STOX2: variants seen among roughly 807,000 people sequenced by gnomAD.
STOX2 encodes the protein storkhead box 2, also known as storkhead-box protein 2.
Under a neutral mutation model 60.9 loss-of-function variants are expected in STOX2, and 28 were observed. The ratio of observed to expected loss-of-function variants is 0.46; its 90% CI spans 0.34 to 0.63. The LOEUF (loss-of-function observed/expected upper bound fraction) is 0.63, where lower values mean the gene tolerates loss of function less well. STOX2 is among the 30% of genes least tolerant of loss of function. The pLI, the probability that STOX2 is intolerant of heterozygous loss-of-function variation, is 0.01. For synonymous variants in STOX2, 472 were observed against 463.9 expected, an observed-to-expected ratio of 1.02 and a Z score of -0.22; for missense variants, 1,024 against 1,187.7, an observed-to-expected ratio of 0.86 and a Z score of 2.03.
At chr4:183,997,870 T>C (rs779509084) in intron 1 of STOX2, among the ~76,000 whole-genome samples, 8 of 152,216 alleles carry the variant, frequency 5.3e-5, no homozygotes, top group Non-Finnish European at 5.9e-5. Flanking sequence ...CCAAAGTAAA[T>C]GCCATTCAGA....
chr4:183,980,468 C>T (rs1019908110), intron 1 of STOX2, among the ~76,000 whole-genome samples: 6 of 152,160 alleles, frequency 3.9e-5, no homozygotes, highest in Non-Finnish European at 2.9e-5. Context: ...TCCCCGGATA[C>T]GGAGGTGTCG....
At chr4:183,814,731 C>A (rs1739111232) in intron 1 of STOX2, among the ~76,000 whole-genome samples, 1 of 152,116 alleles carries the variant, frequency 6.6e-6, no homozygotes, top group Non-Finnish European at 1.5e-5. Flanking sequence ...CAGCCTGTGG[C>A]CAGCATTTAG....
intron 1 of STOX2, among the ~76,000 whole-genome samples, chr4:183,964,774 G>T (rs1173544027): frequency 1.3e-5 from 2 of 152,096 alleles, no homozygotes; most frequent in African/African-American, 4.8e-5. Context: ...AGTAGAGATG[G>T]GGTTTCACCA....
chr4:183,892,598 A>C (rs965813165), intron 1 of STOX2, among the ~76,000 whole-genome samples: 1 of 152,192 alleles, frequency 6.6e-6, no homozygotes, highest in African/African-American at 2.4e-5. Context: ...CTCTTCTTGC[A>C]TGCACGCTGA....
chr4:183,940,251 G>A (rs1344890500), intron 1 of STOX2, among the ~76,000 whole-genome samples: 1 of 152,136 alleles, frequency 6.6e-6, no homozygotes, highest in Non-Finnish European at 1.5e-5. Context: ...CCCTGATGTT[G>A]ATTCATGGTA....
chr4:183,818,964 G>A (rs1739231088), intron 1 of STOX2, among the ~76,000 whole-genome samples: 1 of 151,972 alleles, frequency 6.6e-6, no homozygotes, highest in Non-Finnish European at 1.5e-5. Flanking sequence ...GGGGCAGAGG[G>A]GCTCCTCACA....
rs1734654067 is a variant in STOX2 at position 184,023,118 on chromosome 4, A to G, written c.*5834A>G. On this transcript the variant is annotated 3_prime_UTR_variant, in exon 4 of 4. Transcript: ENST00000308497. ...ACTGTATGTTAGAAAGGAGTTTTGCAGCCAAGACTGCCTTGAATAAAATGT... is the reference window on the plus strand; with the variant it reads ...ACTGTATGTTAGAAAGGAGTTTTGCGGCCAAGACTGCCTTGAATAAAATGT... 6.6e-6 allele frequency: 1 copy of G among 152,222 alleles called. No homozygotes were observed. The highest frequency in any genetic ancestry group is 2.1e-4 in the South Asian group (1 of 4,836). 9.4% of individuals were successfully genotyped at this position (152,222 alleles called of 1,614,324 possible).
Position 183,906,573 on chromosome 4 carries a change from T to G in STOX2, c.-218T>G. On this transcript the variant is annotated 5_prime_UTR_variant, in exon 1 of 4. It adds an upstream start codon to the 5' untranslated region. Transcript: ENST00000308497. ...GGATTGCAAATGAAGTGTAATGCAT[T>G]GTGGGACGTGTGTAAAATCGGAGCC... The G allele has an allele frequency of 1.9e-6, 1 of 536,218 alleles. No individual in the cohort carries two copies. The highest frequency in any genetic ancestry group is 3.3e-6 in the Non-Finnish European group (1 of 304,858). 33.2% of individuals were successfully genotyped at this position (536,218 alleles called of 1,614,324 possible). A position where few individuals can be genotyped will look rare whatever the true frequency, so the allele number is the denominator to read the frequency against.
At chr4:183,802,969 G>A (rs552112491) in intron 1 of STOX2, among the ~76,000 whole-genome samples, 1 of 152,248 alleles carries the variant, frequency 6.6e-6, no homozygotes, top group African/African-American at 2.4e-5. Flanking sequence ...CTGAGACTGG[G>A]CAATTTACAA....
intron 1 of STOX2, among the ~76,000 whole-genome samples, chr4:183,818,067 ATTTTTCTT>A (rs1300386771): frequency 6.7e-6 from 1 of 148,944 alleles, no homozygotes; most frequent in Admixed American, 6.7e-5. Context: ...GACTATAAAT[ATTTTTCTT>A]TTTTTCTTTT....
At chr4:183,869,283 T>C (rs1168473940) in intron 1 of STOX2, among the ~76,000 whole-genome samples, 1 of 152,176 alleles carries the variant, frequency 6.6e-6, no homozygotes, top group African/African-American at 2.4e-5. Flanking sequence ...GTCAGAATTG[T>C]TCGATGGGCC....
At chr4:183,866,357 T>C (rs11734970) in intron 1 of STOX2, among the ~76,000 whole-genome samples, 80,502 of 151,952 alleles carry the variant, frequency 0.53, 21,567 homozygotes, top group Admixed American at 0.58. Context: ...CATATTATAA[T>C]GAGTGAGGAA....
At chr4:183,931,001 T>A (rs753023915) in intron 1 of STOX2, among the ~76,000 whole-genome samples, 1 of 79,002 alleles carries the variant, frequency 1.3e-5, no homozygotes, top group Non-Finnish European at 5.4e-5. Flanking sequence ...TTAAAAATAT[T>A]CATCTAGAAA....
At chr4:183,881,376 C>T (rs1740955741) in intron 1 of STOX2, among the ~76,000 whole-genome samples, 1 of 152,168 alleles carries the variant, frequency 6.6e-6, no homozygotes, top group South Asian at 2.1e-4. Context: ...TGGTGGTGCG[C>T]CTGTAGCCCC....
chr4:183,846,244 GAC>G (rs1739987350), intron 1 of STOX2, among the ~76,000 whole-genome samples: 1 of 152,092 alleles, frequency 6.6e-6, no homozygotes, highest in South Asian at 2.1e-4. Flanking sequence ...TTTGTATTTC[GAC>G]AGTTACATTA....
chr4:183,868,185 G>A (rs968958914), intron 1 of STOX2, among the ~76,000 whole-genome samples: 17 of 152,084 alleles, frequency 1.1e-4, no homozygotes, highest in Non-Finnish European at 2.9e-5. Context: ...GTGGATCATA[G>A]AAACTACTTT....
chr4:183,889,201 G>A (rs1366188915), intron 1 of STOX2, among the ~76,000 whole-genome samples: 3 of 151,968 alleles, frequency 2.0e-5, no homozygotes, highest in East Asian at 1.9e-4. Context: ...TTGGAAATAG[G>A]GTAGTTGGCG....
In STOX2 at chr4:184,010,284, G is replaced by C; in HGVS notation, c.1446G>C (p.Glu482Asp). Reference protein sequence around the residue: ...SHTQDRRSRNERSNKAKERSR... With the variant: ...SHTQDRRSRNDRSNKAKERSR... ...CACAGGACCGGAGGTCCAGGAATGAGAGATCCAACAAAGCCAAGGAGAGAT... is the reference window on the plus strand; with the variant it reads ...CACAGGACCGGAGGTCCAGGAATGACAGATCCAACAAAGCCAAGGAGAGAT... The change falls in exon 3 of 4, where the codon GAG (glutamate) becomes GAC (aspartate). Residue 482 changes from glutamate (E) to aspartate (D), a missense_variant. By Grantham distance (45) the Glu-to-Asp change is conservative. Coordinates refer to ENST00000308497, the MANE Select transcript of STOX2 (RefSeq NM_020225.3). The surrounding 1 kb of genome is among the most constrained non-coding windows in gnomAD (Gnocchi z 4.5). 6.3e-7 allele frequency: 1 copy of C among 1,588,962 alleles called. No homozygotes were observed. Among genetic ancestry groups the C allele is most frequent in the Non-Finnish European group, 8.6e-7 (1 of 1,167,664 alleles).
Position 183,997,188 on chromosome 4 carries a change from A to G in STOX2, c.167-4137A>G, listed in dbSNP as rs73010235. Among the ~76,000 whole-genome samples, 530 of 152,310 alleles carry G rather than the reference A, an allele frequency of 3.5e-3. 3 individuals carry two copies. Among genetic ancestry groups the G allele is most frequent in the African/African-American group, 0.012 (515 of 41,568 alleles). On this transcript the variant is annotated intron_variant, in intron 1 of 3. Transcript: ENST00000308497. ...GTGATGGAATGGCAGTAGACCAGAC[A>G]GTCAGGTTAGGGCTTTCTGATGAGG...
Sources: gnomAD v4.1 joint callset for allele counts (sites outside exome capture counted in the v4.1 genomes callset) on GRCh38, gnomAD v4.1.1 for gene constraint, Gnocchi (gnomAD v3.1) non-coding constraint, MANE v1.5 for transcripts, NCBI Gene and HGNC (gene_info 2026-07-23, HGNC 2026-07-21) for gene names.